The following AUTS2 variants were observed in gnomAD, a reference collection of about 807,000 sequenced individuals.
AUTS2 encodes autism susceptibility gene 2 protein.
In AUTS2, 17 loss-of-function variants were observed where a neutral mutation model predicts 112.4. The observed-to-expected ratio is 0.15, with a 90% CI of 0.10 to 0.23. The LOEUF (loss-of-function observed/expected upper bound fraction) is 0.23. Among genes scored for constraint, AUTS2 ranks in the 10% least tolerant of loss-of-function variants. The pLI, the probability that AUTS2 is intolerant of heterozygous loss-of-function variation, is 1.00. For synonymous variants in AUTS2, 751 were observed against 702.7 expected (o/e 1.07, Z -1.09); for missense variants, 1,510 against 1,701.6 (o/e 0.89, Z 1.98).
At chr7:70,257,738 G>A (rs1786959313) in intron 4 of AUTS2, among the ~76,000 whole-genome samples, 2 of 151,928 alleles carry the variant, frequency 1.3e-5, no homozygotes, top group South Asian at 4.2e-4. Flanking sequence ...GATTACAGGA[G>A]TGAGCCATCA....
At chr7:70,178,488 A>G (rs531496257) in intron 4 of AUTS2, among the ~76,000 whole-genome samples, 23 of 152,170 alleles carry the variant, frequency 1.5e-4, no homozygotes, top group African/African-American at 5.5e-4. Flanking sequence ...ATTATTAAAG[A>G]TACAGAATGG....
intron 3 of AUTS2, among the ~76,000 whole-genome samples, chr7:70,131,756 T>C (rs952104614): frequency 2.0e-5 from 3 of 152,168 alleles, no homozygotes; most frequent in African/African-American, 7.2e-5. Context: ...TTACTGGGCC[T>C]TTTGGATGCG....
intron 2 of AUTS2, among the ~76,000 whole-genome samples, chr7:70,097,384 A>T (rs558162033): frequency 6.6e-5 from 10 of 152,252 alleles, no homozygotes; most frequent in Admixed American, 3.9e-4. Context: ...CTCTCCCTAG[A>T]TAGACTAATT....
At chr7:70,724,038 C>T (rs1276529621) in intron 6 of AUTS2, among the ~76,000 whole-genome samples, 1 of 151,838 alleles carries the variant, frequency 6.6e-6, no homozygotes, top group Non-Finnish European at 1.5e-5. Flanking sequence ...ATTATGGGCA[C>T]CTGCCACCAC....
chr7:69,951,291 C>T (rs1173070673), intron 2 of AUTS2, among the ~76,000 whole-genome samples: 1 of 151,874 alleles, frequency 6.6e-6, no homozygotes, highest in Non-Finnish European at 1.5e-5. Context: ...CTTGAGTCTT[C>T]AGGCTTTTTT....
chr7:69,668,685 A>G (rs1796180975), intron 1 of AUTS2, among the ~76,000 whole-genome samples: 1 of 152,182 alleles, frequency 6.6e-6, no homozygotes. Flanking sequence ...TACTGGAATT[A>G]AGTCAGCTTT....
intron 2 of AUTS2, among the ~76,000 whole-genome samples, chr7:69,956,793 A>G (rs1797228798): frequency 6.6e-6 from 1 of 152,120 alleles, no homozygotes; most frequent in Non-Finnish European, 1.5e-5. Flanking sequence ...GATGTGCTCC[A>G]GTTTGTATGG....
chr7:70,771,758 T>TA, intron 11 of AUTS2, 114 bp downstream of exon 11: 1 of 812,908 alleles, frequency 1.2e-6, no homozygotes, highest in Non-Finnish European at 1.9e-6. Context: ...AATCAGGTCC[T>TA]AAGTGACCAC....
At chr7:69,636,602 T>C (rs1177710303) in intron 1 of AUTS2, among the ~76,000 whole-genome samples, 1 of 151,928 alleles carries the variant, frequency 6.6e-6, no homozygotes, top group Non-Finnish European at 1.5e-5. Flanking sequence ...TATTTTTCTT[T>C]CTATACCTTT....
At chr7:69,655,257 T>C (rs1163528168) in intron 1 of AUTS2, among the ~76,000 whole-genome samples, 2 of 152,234 alleles carry the variant, frequency 1.3e-5, no homozygotes, top group East Asian at 1.9e-4. Context: ...CGGCCGCTTA[T>C]ACAGCAAAGC....
intron 4 of AUTS2, among the ~76,000 whole-genome samples, chr7:70,144,749 T>G (rs1807043396): frequency 6.6e-6 from 1 of 152,116 alleles, no homozygotes; most frequent in Admixed American, 6.6e-5. Context: ...GACTGTGACC[T>G]TGCTCATCCT....
chr7:69,825,921 T>A (rs944947507), intron 1 of AUTS2: 3 of 152,246 alleles, frequency 2.0e-5, no homozygotes, highest in South Asian at 2.1e-4. Flanking sequence ...TCTTTAAGCA[T>A]CTAGTCCTTA....
At chr7:70,010,604 G>A (rs1229075110) in intron 2 of AUTS2, among the ~76,000 whole-genome samples, 1 of 152,196 alleles carries the variant, frequency 6.6e-6, no homozygotes, top group African/African-American at 2.4e-5. Context: ...AGACATAAGA[G>A]TGTGAACAAG....
intron 2 of AUTS2, among the ~76,000 whole-genome samples, chr7:69,916,262 C>T (rs1000095888): frequency 4.6e-5 from 7 of 152,168 alleles, no homozygotes; most frequent in Admixed American, 3.9e-4. Context: ...AACATTCACT[C>T]CTCCAAGGAT....
chr7:70,632,035 G>T (rs932501085), intron 5 of AUTS2, among the ~76,000 whole-genome samples: 3 of 151,860 alleles, frequency 2.0e-5, no homozygotes, highest in African/African-American at 7.3e-5. Context: ...GTGATAAGCA[G>T]GACAAATGTG....
chr7:70,600,669 A>G (rs1338775958), intron 5 of AUTS2, among the ~76,000 whole-genome samples: 1 of 152,140 alleles, frequency 6.6e-6, no homozygotes, highest in Non-Finnish European at 1.5e-5. Flanking sequence ...CCCAAAAGAG[A>G]TCCCACACCC....
chr7:69,812,045 A>G (rs552151395), intron 1 of AUTS2, among the ~76,000 whole-genome samples: 33 of 152,318 alleles, frequency 2.2e-4, no homozygotes, highest in African/African-American at 7.5e-4. Flanking sequence ...TAGCATAGGA[A>G]GGGAGTTTTC....
At chr7:70,211,634 G>A (rs1230525630) in intron 4 of AUTS2, among the ~76,000 whole-genome samples, 3 of 149,628 alleles carry the variant, frequency 2.0e-5, no homozygotes, top group African/African-American at 7.4e-5. Context: ...GGGTGACAGA[G>A]CGAGACTCTG....
chr7:70,039,751 A>G (rs1801164016), intron 2 of AUTS2, among the ~76,000 whole-genome samples: 1 of 152,158 alleles, frequency 6.6e-6, no homozygotes, highest in Non-Finnish European at 1.5e-5. Context: ...AAAACGTTCA[A>G]ATTAATTTGT....
Sources: gnomAD v4.1 joint callset for allele counts (sites outside exome capture counted in the v4.1 genomes callset) on GRCh38, gnomAD v4.1.1 for gene constraint, MANE v1.5 for transcripts, NCBI Gene and HGNC (gene_info 2026-07-23, HGNC 2026-07-21) for gene names.